HELT: variants seen among roughly 807,000 people sequenced by gnomAD.
The protein encoded by HELT is hairy and enhancer of split-related protein HELT.
In HELT, 9 loss-of-function variants were observed where a neutral mutation model predicts 19.5. The ratio of observed to expected loss-of-function variants is 0.46; its 90% CI spans 0.28 to 0.80. The LOEUF is 0.80. Among genes scored for constraint, HELT ranks in the 30% least tolerant of loss-of-function variants. The pLI is 0.12. For missense variants in HELT, 366 were observed against 326.3 expected, an observed-to-expected ratio of 1.12 and a Z score of -0.94; for synonymous variants, 162 against 148.3, an observed-to-expected ratio of 1.09 and a Z score of -0.67.
At chr4:185,019,969 C>A in intron 3 of HELT, 126 bp downstream of exon 3, 1 of 915,644 alleles carries the variant, frequency 1.1e-6, no homozygotes, top group East Asian at 2.8e-5. Context: ...TCCAGGAGGG[C>A]AGGGGTCCTG....
At chr4:185,020,068 G>C (rs1329536515) in intron 3 of HELT, among the ~76,000 whole-genome samples, 3 of 152,150 alleles carry the variant, frequency 2.0e-5, no homozygotes, top group Admixed American at 2.0e-4. Flanking sequence ...TCTCCCGGGT[G>C]GGGTGGGTGG....
chr4:185,018,775 G>T lies in HELT; in HGVS notation c.-154G>T. On this transcript the variant is annotated 5_prime_UTR_variant, in exon 1 of 4. Transcript: ENST00000515777. ...AATCCTATGGAATAATTCAACTCGT[G>T]AATGCATCTGGAGCCCTAGATGACC... 1.7e-6 allele frequency: 1 copy of T among 597,300 alleles called. No homozygotes were observed. The highest frequency in any genetic ancestry group is 2.8e-6 in the Non-Finnish European group (1 of 352,684). The allele number at this position is 597,300 out of a possible 1,614,324, so 37.0% of individuals were successfully genotyped here. A position where few individuals can be genotyped will look rare whatever the true frequency, so the allele number is the denominator to read the frequency against.
At position 185,019,608 on chromosome 4, in the gene HELT, G is replaced by A. The variant is rs747725984; in HGVS notation, c.132+117G>A. On this transcript the variant is annotated intron_variant, in intron 2 of 3. Transcript: ENST00000515777. Reference sequence around the variant, plus strand: ...CTCACTTGCGGGCCCCTCCCAGGCGGGGGGCCTGAGCGCAGGGCGAACCTC... The same window carrying A: ...CTCACTTGCGGGCCCCTCCCAGGCGAGGGGCCTGAGCGCAGGGCGAACCTC... The A allele has an allele frequency of 2.5e-6, 4 of 1,580,872 alleles. No homozygotes were observed. In the East Asian group the frequency reaches 9.2e-5, roughly 36 times the overall value.
intron 2 of HELT, 112 bp downstream of exon 2, chr4:185,019,603 AGGCGGGG>A: frequency 6.3e-7 from 1 of 1,574,886 alleles, no homozygotes; most frequent in South Asian, 1.2e-5. Flanking sequence ...GGCCCCTCCC[AGGCGGGG>A]GGCCTGAGCG....
chr4:185,020,676 G>T lies in HELT; in HGVS notation c.633G>T (p.Pro211=). Reference sequence around the variant, plus strand: ...AGCAGCACAGCCCCTTCCTGACACCGGTGCAGGGCCTGGACCGGCATTACC... The same window carrying T: ...AGCAGCACAGCCCCTTCCTGACACCTGTGCAGGGCCTGGACCGGCATTACC... The part of the protein sequence containing the change: ...PAQQHSPFLT[P]VQGLDRHYLN... The change falls in exon 4 of 4, where the codon CCG becomes CCT. Residue 211 remains proline (P), a synonymous_variant. Transcript: ENST00000515777. 6.2e-7 allele frequency: 1 copy of T among 1,604,372 alleles called. No homozygotes were observed. The highest frequency in any genetic ancestry group is 8.5e-7 in the Non-Finnish European group (1 of 1,179,292).
In HELT at chr4:185,018,806, A is replaced by G. The variant is rs1312002075; in HGVS notation, c.-123A>G. 4 of 995,946 alleles carry G rather than the reference A, an allele frequency of 4.0e-6. No homozygotes were observed. Among genetic ancestry groups the G allele is most frequent in the Non-Finnish European group, 2.9e-6 (2 of 683,618 alleles). 61.7% of individuals were successfully genotyped at this position (995,946 alleles called of 1,614,324 possible). A position where few individuals can be genotyped will look rare whatever the true frequency, so the allele number is the denominator to read the frequency against. On this transcript the variant is annotated 5_prime_UTR_variant, in exon 1 of 4. Coordinates refer to ENST00000515777, the MANE Select transcript of HELT (RefSeq NM_001300781.2). ...ATCTGGAGCCCTAGATGACCGCTTT[A>G]TAAGGCAGCCCTCGGAGTTGGGAGG...
In HELT at chr4:185,020,423, G is replaced by T. The variant is rs752564748; in HGVS notation, c.380G>T (p.Arg127Leu). The change falls in exon 4 of 4, where the codon CGC (arginine) becomes CTC (leucine). Residue 127 changes from arginine to leucine, a missense_variant. By Grantham distance (102) the Arg-to-Leu change is moderately radical. Coordinates refer to ENST00000515777, the MANE Select transcript of HELT (RefSeq NM_001300781.2). The stretch of plus-strand genomic sequence containing the variant: ...CTCGCCTTCTTGCAGTCCAAGGCCC[G>T]CCTGGGCGCGGAGCCCGCCTTTCCG... ...RILAFLQSKA[R>L]LGAEPAFPPL... The T allele has an allele frequency of 1.9e-6, 3 of 1,614,154 alleles. No homozygotes were observed. The highest frequency in any genetic ancestry group is 1.1e-5 in the South Asian group (1 of 91,090).
In HELT at chr4:185,019,485, G is replaced by A. The variant is rs1156669428; in HGVS notation, c.126G>A (p.Ala42=). The stretch of plus-strand genomic sequence containing the variant: ...GCAAGACAGTGCCCATGGCCTTGGC[G>A]AAGCAGGTAACGTTGGCGACCCGGA... ...ELGKTVPMAL[A]KQSSGKLEKA... Residue 42 remains alanine, a synonymous_variant, in exon 2 of 4, where the codon GCG becomes GCA. Transcript: ENST00000515777. The A allele has an allele frequency of 1.2e-6, 2 of 1,608,288 alleles. No individual in the cohort carries two copies. The highest frequency in any genetic ancestry group is 8.5e-7 in the Non-Finnish European group (1 of 1,177,218).
In HELT at chr4:185,019,757, A is replaced by G. The variant is rs766737621; in HGVS notation, c.143A>G (p.Lys48Arg). 41 of 1,613,552 alleles carry G rather than the reference A, an allele frequency of 2.5e-5. 1 individual carries two copies. In the South Asian group the frequency reaches 4.2e-4, roughly 16 times the overall value. The change falls in exon 3 of 4, where the codon AAG becomes AGG. Residue 48 changes from lysine (K) to arginine (R), a missense_variant. By Grantham distance (26) the Lys-to-Arg change is conservative. Coordinates refer to ENST00000515777, the MANE Select transcript of HELT (RefSeq NM_001300781.2). ...TTCCTCCTTTTGCAGAGTTCCGGGA[A>G]GCTGGAGAAGGCGGAGATCCTCGAG... is the stretch of plus-strand genomic sequence containing the variant. ...PMALAKQSSG[K>R]LEKAEILEMT...
At chr4:185,020,135 G>A in intron 3 of HELT, 138 bp from the exon 4 acceptor site, 1 of 1,281,470 alleles carries the variant, frequency 7.8e-7, no homozygotes, top group Non-Finnish European at 1.1e-6. Context: ...CTCTAAGACT[G>A]CGCAGAGGAG....
At position 185,020,905 on chromosome 4, in the gene HELT, T is replaced by C. The variant is rs564597993; in HGVS notation, c.*133T>C. 8 of 1,045,306 alleles carry C rather than the reference T, an allele frequency of 7.7e-6. No individual in the cohort carries two copies. The South Asian group carries it at 1.7e-4, about 23-fold the overall frequency. 64.8% of individuals were successfully genotyped at this position (1,045,306 alleles called of 1,614,324 possible). ...GGGGAGGCAAAGAGCGAATGAGTCT[T>C]CTGAAGGATCTCCCCCTGGTAATAA... On this transcript the variant is annotated 3_prime_UTR_variant, in exon 4 of 4. Transcript: ENST00000515777.
Position 185,020,341 on chromosome 4 carries a change from C to G in HELT, c.298C>G (p.His100Asp). 6.2e-7 allele frequency: 1 copy of G among 1,614,232 alleles called. No individual in the cohort carries two copies. The highest frequency in any genetic ancestry group is 8.5e-7 in the Non-Finnish European group (1 of 1,180,042). Residue 100 changes from histidine (H) to aspartate (D), a missense_variant, in exon 4 of 4, where the codon CAT (histidine) becomes GAT (aspartate). Transcript: ENST00000515777. ...CCACGAGTGCATGAAGAACCTGGTG[C>G]ATTACCTCACCACGGTGGAGCGGAT... ...GYHECMKNLV[H>D]YLTTVERMET...
At chr4:185,020,229 G>A (rs754318645) in intron 3 of HELT, 44 bp from the exon 4 acceptor site, 2 of 1,585,854 alleles carry the variant, frequency 1.3e-6, no homozygotes, top group Non-Finnish European at 1.7e-6. Flanking sequence ...TGGGGAAGGG[G>A]CACTCAGGGT....
At chr4:185,019,311 C>T (rs907755711) in intron 1 of HELT, 76 bp from the exon 2 acceptor site, 2 of 1,295,444 alleles carry the variant, frequency 1.5e-6, no homozygotes, top group Non-Finnish European at 2.2e-6. Flanking sequence ...AGGCGGCTTG[C>T]ACCCAGCTGC....
Position 185,018,852 on chromosome 4 carries a change from T to A in HELT, c.-77T>A. 6.7e-7 allele frequency: 1 copy of A among 1,492,594 alleles called. No homozygotes were observed. Among genetic ancestry groups the A allele is most frequent in the South Asian group, 1.3e-5 (1 of 78,104 alleles). The allele number at this position is 1,492,594 out of a possible 1,614,324, so 92.5% of individuals were successfully genotyped here. Reference sequence around the variant, plus strand: ...GGAGGCTGCAGTCTACCTGGGACACTCGAGGAGGCACACGAGGCGGAAAAG... The same window carrying A: ...GGAGGCTGCAGTCTACCTGGGACACACGAGGAGGCACACGAGGCGGAAAAG... On this transcript the variant is annotated 5_prime_UTR_variant, in exon 1 of 4. Transcript: ENST00000515777.
Position 185,019,897 on chromosome 4 carries a change from A to G in HELT, c.229+54A>G, listed in dbSNP as rs537623547. 4.0e-6 allele frequency: 6 copies of G among 1,488,576 alleles called. No homozygotes were observed. The African/African-American group carries it at 8.3e-5, about 20-fold the overall frequency. 92.2% of individuals were successfully genotyped at this position (1,488,576 alleles called of 1,614,324 possible). ...TGGGCCAGGCGCCTGCGCCACCCAG[A>G]GACCCTGGGGCTGGGAGGGGAGTGA... On this transcript the variant is annotated intron_variant, in intron 3 of 3. Coordinates refer to ENST00000515777, the MANE Select transcript of HELT (RefSeq NM_001300781.2).
rs1462801259 is a variant in HELT at position 185,020,750 on chromosome 4, C to T, written c.707C>T (p.Pro236Leu). The change falls in exon 4 of 4, where the codon CCC (proline) becomes CTC (leucine). Residue 236 changes from proline (P) to leucine (L), a missense_variant. Pro to Leu is a moderately conservative substitution (Grantham distance 98, BLOSUM62 -3). Transcript: ENST00000515777. ...CCCAACGCCCTTAACCTGCACACGC[C>T]CCAGCACCCCCCGGTGCTCTGACGC... is the stretch of plus-strand genomic sequence containing the variant. ...AHPNALNLHT[P>L]QHPPVL The T allele has an allele frequency of 1.9e-6, 3 of 1,540,890 alleles. No individual in the cohort carries two copies. In the African/African-American group the frequency reaches 4.2e-5, roughly 21 times the overall value.
At chr4:185,019,591 C>T (rs375216601) in intron 2 of HELT, 100 bp downstream of exon 2, 2 of 1,559,370 alleles carry the variant, frequency 1.3e-6, no homozygotes, top group South Asian at 1.2e-5. Flanking sequence ...ACCTCACTTG[C>T]GGGCCCCTCC....
intron 2 of HELT, 32 bp from the exon 3 acceptor site, chr4:185,019,715 G>A (rs1184496194): frequency 1.2e-6 from 2 of 1,612,306 alleles, no homozygotes; most frequent in East Asian, 2.2e-5. Flanking sequence ...CAGGCGCTGG[G>A]CCGCTGCGAG....
Sources: allele counts gnomAD v4.1 joint callset (sites outside exome capture counted in the v4.1 genomes callset), GRCh38; gene constraint gnomAD v4.1.1; transcripts MANE v1.5; gene names NCBI Gene and HGNC (gene_info 2026-07-23, HGNC 2026-07-21).